The following CSMD2 variants were observed in gnomAD, a reference collection of about 807,000 sequenced individuals.
CSMD2 encodes the protein CUB and Sushi multiple domains 2.
A neutral mutation model predicts 398.5 loss-of-function variants in CSMD2; 130 were observed. The observed-to-expected ratio is 0.33, with a 90% CI of 0.28 to 0.38. CSMD2 has a LOEUF of 0.38. Among genes scored for constraint, CSMD2 ranks in the 10% least tolerant of loss-of-function variants. The pLI, the probability that CSMD2 is intolerant of heterozygous loss-of-function variation, is 1.00. For synonymous variants in CSMD2, 1,828 were observed against 1,908.5 expected (o/e 0.96, Z 1.10); for missense variants, 3,829 against 4,764.9 (o/e 0.80, Z 5.78).
intron 37 of CSMD2, among the ~76,000 whole-genome samples, chr1:33,621,193 G>A (rs1477983858): frequency 1.3e-5 from 2 of 152,162 alleles, no homozygotes; most frequent in East Asian, 3.8e-4. Context: ...CTGTGCCCAT[G>A]TCCATCTCTC....
chr1:33,812,783 A>G (rs1218356316), intron 9 of CSMD2, among the ~76,000 whole-genome samples: 1 of 152,214 alleles, frequency 6.6e-6, no homozygotes, highest in Non-Finnish European at 1.5e-5. Context: ...TGTGGTCAAT[A>G]TTCAACCTTT....
intron 29 of CSMD2, among the ~76,000 whole-genome samples, chr1:33,642,544 G>A (rs1343141159): frequency 6.6e-6 from 1 of 152,116 alleles, no homozygotes; most frequent in Non-Finnish European, 1.5e-5. Flanking sequence ...TGCGGATGAT[G>A]GTCTCAGTCT....
At chr1:34,129,012 C>A (rs1663045511) in intron 1 of CSMD2, among the ~76,000 whole-genome samples, 1 of 37,092 alleles carries the variant, frequency 2.7e-5, no homozygotes, top group East Asian at 0.012. Flanking sequence ...TACCCCCCCC[C>A]ACACACACAC....
intron 3 of CSMD2, among the ~76,000 whole-genome samples, chr1:33,947,942 G>GGAAC (rs1644888878): frequency 1.3e-5 from 2 of 152,228 alleles, no homozygotes; most frequent in African/African-American, 2.4e-5. Context: ...CACACAGCAT[G>GGAAC]GAACCAGGGG....
intron 14 of CSMD2, 104 bp from the exon 15 acceptor site, chr1:33,739,438 A>G: frequency 9.2e-7 from 1 of 1,086,590 alleles, no homozygotes; most frequent in Non-Finnish European, 1.3e-6. Flanking sequence ...GAACTCCACC[A>G]CCTCCCCAAG....
chr1:33,591,518 G>A (rs1639454207), intron 44 of CSMD2, among the ~76,000 whole-genome samples: 1 of 152,118 alleles, frequency 6.6e-6, no homozygotes, highest in Non-Finnish European at 1.5e-5. Flanking sequence ...GCATTTTCTT[G>A]TGATACCATC....
chr1:33,666,342 C>T (rs1414904475), intron 25 of CSMD2, among the ~76,000 whole-genome samples: 1 of 152,092 alleles, frequency 6.6e-6, no homozygotes, highest in African/African-American at 2.4e-5. Flanking sequence ...TAATTTTCCC[C>T]AGCCAGGAAC....
At chr1:34,023,758 T>C (rs183318905) in intron 3 of CSMD2, among the ~76,000 whole-genome samples, 1 of 152,300 alleles carries the variant, frequency 6.6e-6, no homozygotes, top group East Asian at 1.9e-4. Context: ...ACAGTCCTCT[T>C]GAAATGGAGA....
At chr1:33,936,677 G>A (rs1347779627) in intron 3 of CSMD2, among the ~76,000 whole-genome samples, 2 of 152,192 alleles carry the variant, frequency 1.3e-5, no homozygotes, top group East Asian at 3.8e-4. Context: ...CCATGACCTG[G>A]CAATAAGGAG....
chr1:33,840,376 T>C (rs1884980), intron 6 of CSMD2, among the ~76,000 whole-genome samples: 119,653 of 152,138 alleles, frequency 0.79, 47,892 homozygotes, highest in East Asian at 0.94. Flanking sequence ...TACCCAGGAC[T>C]TCACTCAAAT....
chr1:33,825,985 G>C (rs1320288047), intron 6 of CSMD2, among the ~76,000 whole-genome samples: 2 of 152,186 alleles, frequency 1.3e-5, no homozygotes, highest in African/African-American at 2.4e-5. Flanking sequence ...AGCCCTCTGA[G>C]GGAGGCCAAA....
In CSMD2 at chr1:34,163,547, C is replaced by A. The variant is rs1641559607; in HGVS notation, c.187+1364G>T. Among the ~76,000 whole-genome samples, 1 of 152,186 alleles carries A rather than the reference C, an allele frequency of 6.6e-6. No homozygotes were observed. Among genetic ancestry groups the A allele is most frequent in the African/African-American group, 2.4e-5 (1 of 41,456 alleles). ...AGGCCAGAGTGGGCCAGAGAGCTCG[C>A]CACTCACTGACCTGCCAGAGGAGAG... On this transcript the variant is annotated intron_variant, in intron 1 of 70. Transcript: ENST00000373381. The surrounding 1 kb of genome is among the most constrained non-coding windows in gnomAD (Gnocchi z 5.4).
At chr1:33,539,366 C>G (rs1656116100) in intron 60 of CSMD2, among the ~76,000 whole-genome samples, 1 of 152,130 alleles carries the variant, frequency 6.6e-6, no homozygotes, top group Non-Finnish European at 1.5e-5. Context: ...GATTAAATAA[C>G]TTGTATCTAC....
At chr1:33,673,786 AAG>A (rs1644600617) in intron 25 of CSMD2, among the ~76,000 whole-genome samples, 1 of 152,236 alleles carries the variant, frequency 6.6e-6, no homozygotes, top group Non-Finnish European at 1.5e-5. Context: ...TGCAAGCCAG[AAG>A]AGAGTGGGGA....
chr1:33,696,959 C>A (rs1645438623), intron 24 of CSMD2, among the ~76,000 whole-genome samples: 1 of 152,150 alleles, frequency 6.6e-6, no homozygotes, highest in African/African-American at 2.4e-5. Flanking sequence ...CACAACATGA[C>A]ATATACAAAA....
intron 13 of CSMD2, among the ~76,000 whole-genome samples, chr1:33,749,051 C>T (rs1219363312): frequency 6.6e-6 from 1 of 150,726 alleles, no homozygotes; most frequent in African/African-American, 2.4e-5. Flanking sequence ...CAAATAAGTT[C>T]CTGAGCTCAA....
intron 1 of CSMD2, among the ~76,000 whole-genome samples, chr1:34,100,603 A>G (rs964370788): frequency 6.6e-6 from 1 of 152,352 alleles, no homozygotes; most frequent in African/African-American, 2.4e-5. Flanking sequence ...GTAACAATTC[A>G]GTAAACATTA....
intron 35 of CSMD2, among the ~76,000 whole-genome samples, 180 bp from the exon 36 acceptor site, chr1:33,623,646 T>C (rs990973898): frequency 1.3e-5 from 2 of 152,346 alleles, no homozygotes; most frequent in East Asian, 1.9e-4. Flanking sequence ...AGGAGCTCGT[T>C]GTCCAGTGGG....
chr1:33,823,101 G>A (rs1658347572), intron 7 of CSMD2, among the ~76,000 whole-genome samples: 2 of 152,122 alleles, frequency 1.3e-5, no homozygotes, highest in South Asian at 4.1e-4. Flanking sequence ...CTCAAGAGGC[G>A]AGACCATGGC....
Sources: gnomAD v4.1 joint callset for allele counts (sites outside exome capture counted in the v4.1 genomes callset) on GRCh38, gnomAD v4.1.1 for gene constraint, Gnocchi (gnomAD v3.1) non-coding constraint, MANE v1.5 for transcripts, NCBI Gene and HGNC (gene_info 2026-07-23, HGNC 2026-07-21) for gene names.